The following ZNF84 variants were observed in gnomAD, a reference collection of about 807,000 sequenced individuals.
ZNF84 encodes the protein zinc finger protein HPF2.
A neutral mutation model predicts 14.8 loss-of-function variants in ZNF84; 12 were observed. The observed-to-expected ratio is 0.81, with a 90% CI of 0.52 to 1.31. The LOEUF is 1.31. Among genes scored for constraint, ZNF84 ranks in the 50% most tolerant of loss-of-function variants. The pLI is 0.00. For missense variants in ZNF84, 859 were observed against 878.6 expected, an observed-to-expected ratio of 0.98 and a Z score of 0.28; for synonymous variants, 347 against 291.1, an observed-to-expected ratio of 1.19 and a Z score of -1.96.
At position 133,059,112 on chromosome 12, in the gene ZNF84, G is replaced by A. The variant is rs1442366096; in HGVS notation, c.*180G>A. The A allele has an allele frequency of 6.7e-6, 4 of 595,754 alleles. No homozygotes were observed. Among genetic ancestry groups the A allele is most frequent in the Non-Finnish European group, 1.1e-5 (4 of 358,152 alleles). 36.9% of individuals were successfully genotyped at this position (595,754 alleles called of 1,614,324 possible). ...CATAGAGTAGAGTGAACCTATGACTGCAGTGGATCTCAAAAACTTTTAAAA... is the reference window on the plus strand; with the variant it reads ...CATAGAGTAGAGTGAACCTATGACTACAGTGGATCTCAAAAACTTTTAAAA... On this transcript the variant is annotated 3_prime_UTR_variant, in exon 5 of 5. Coordinates refer to ENST00000539354, the MANE Select transcript of ZNF84 (RefSeq NM_001289971.2).
chr12:133,054,029 C>G (rs1954111698), intron 4 of ZNF84, among the ~76,000 whole-genome samples: 1 of 152,162 alleles, frequency 6.6e-6, no homozygotes, highest in Non-Finnish European at 1.5e-5. Flanking sequence ...CCTCTAGGTA[C>G]AACCTCACAA....
intron 2 of ZNF84, among the ~76,000 whole-genome samples, chr12:133,044,135 A>T (rs1228582448): frequency 6.0e-5 from 9 of 150,160 alleles, no homozygotes; most frequent in Admixed American, 1.3e-4. Flanking sequence ...AAACATCAGC[A>T]ATAACTTTTT....
intron 4 of ZNF84, among the ~76,000 whole-genome samples, chr12:133,055,282 AC>A (rs1482518520): frequency 3.3e-5 from 5 of 152,162 alleles, no homozygotes; most frequent in African/African-American, 1.2e-4. Flanking sequence ...AACTCAAAAA[AC>A]ATCCTATGAA....
rs1255159877 is a variant in ZNF84, at chr12:133,062,728, T to C, written c.*3796T>C. On this transcript the variant is annotated 3_prime_UTR_variant, in exon 5 of 5. Coordinates refer to ENST00000539354, the MANE Select transcript of ZNF84 (RefSeq NM_001289971.2). ...CGTGTGGCTTATTGTGGACTTAAAG[T>C]GTAACATTCTCCTTATGGTATGTAA... 10 of 222,770 alleles carry C rather than the reference T, an allele frequency of 4.5e-5. No homozygotes were observed. The East Asian group carries it at 9.6e-4, about 21-fold the overall frequency. 13.8% of individuals were successfully genotyped at this position (222,770 alleles called of 1,614,324 possible).
chr12:133,050,497 C>T lies in ZNF84; in HGVS notation c.238+1649C>T, dbSNP rs1954052770. ...ATTGGCGATGCAGTGGCAGCATCTG[C>T]TATAGACTTGTAATCTCTGCTTTCA... On this transcript the variant is annotated intron_variant, in intron 4 of 4. Coordinates refer to ENST00000539354, the MANE Select transcript of ZNF84 (RefSeq NM_001289971.2). 1.3e-5 allele frequency: 5 copies of T among 398,486 alleles called. No homozygotes were observed. The Admixed American group carries it at 2.2e-4, about 18-fold the overall frequency. The allele number at this position is 398,486 out of a possible 1,614,324, so 24.7% of individuals were successfully genotyped here.
intron 4 of ZNF84, among the ~76,000 whole-genome samples, chr12:133,053,769 TG>T (rs1954108408): frequency 6.6e-6 from 1 of 152,096 alleles, no homozygotes; most frequent in Admixed American, 6.6e-5. Flanking sequence ...ATGTTTATAA[TG>T]GGGTCTTGAT....
intron 4 of ZNF84, among the ~76,000 whole-genome samples, chr12:133,050,353 C>T (rs1954050517): frequency 6.6e-6 from 1 of 152,194 alleles, no homozygotes; most frequent in Admixed American, 6.5e-5. Flanking sequence ...GTTTGCTCTG[C>T]CATAGTAAGT....
At chr12:133,048,457 G>T (rs1215858716) in intron 3 of ZNF84, 4 of 295,350 alleles carry the variant, frequency 1.4e-5, no homozygotes, top group African/African-American at 2.1e-5. Context: ...TTTTCCTGAT[G>T]AGAAGATCGA....
intron 2 of ZNF84, among the ~76,000 whole-genome samples, chr12:133,043,864 C>A (rs1593697640): frequency 1.3e-5 from 2 of 151,920 alleles, no homozygotes; most frequent in East Asian, 3.9e-4. Context: ...AGCAGTTCTC[C>A]TGCCTCAGCC....
At chr12:133,053,646 G>C (rs891439536) in intron 4 of ZNF84, among the ~76,000 whole-genome samples, 1 of 152,188 alleles carries the variant, frequency 6.6e-6, no homozygotes, top group Admixed American at 6.5e-5. Context: ...AGGAGGCTGA[G>C]TTGGGAGGAT....
intron 2 of ZNF84, among the ~76,000 whole-genome samples, chr12:133,042,290 C>T (rs947250716): frequency 3.9e-5 from 6 of 152,018 alleles, no homozygotes; most frequent in Non-Finnish European, 7.4e-5. Context: ...CTCAACATAA[C>T]GAAAAATACA....
intron 1 of ZNF84, among the ~76,000 whole-genome samples, chr12:133,038,339 T>C (rs1953825119): frequency 6.6e-6 from 1 of 152,220 alleles, no homozygotes; most frequent in Admixed American, 6.5e-5. Flanking sequence ...GTGTCAAATG[T>C]TATAATGATT....
At chr12:133,052,087 A>G (rs1307176346) in intron 4 of ZNF84, among the ~76,000 whole-genome samples, 4 of 152,202 alleles carry the variant, frequency 2.6e-5, no homozygotes, top group Non-Finnish European at 5.9e-5. Context: ...ATTACAGAAA[A>G]ATTAGATGAG....
At chr12:133,037,636 T>G (rs1008388538) in intron 1 of ZNF84, 91 bp downstream of exon 1, 1 of 152,134 alleles carries the variant, frequency 6.6e-6, no homozygotes, top group Non-Finnish European at 1.5e-5. Context: ...GAGCTTCGGC[T>G]TCAAGGCCCT....
chr12:133,062,863 A>T lies in ZNF84; in HGVS notation c.*3931A>T. On this transcript the variant is annotated 3_prime_UTR_variant, in exon 5 of 5. Coordinates refer to ENST00000539354, the MANE Select transcript of ZNF84 (RefSeq NM_001289971.2). ...CAACTTGTAGTTCCTTGAGATTTCT[A>T]TTATCACTTATGTTTTTGCAAATCT... The T allele has an allele frequency of 1.9e-6, 1 of 519,098 alleles. No individual in the cohort carries two copies. Among genetic ancestry groups the T allele is most frequent in the Non-Finnish European group, 3.4e-6 (1 of 291,710 alleles). The allele number at this position is 519,098 out of a possible 1,614,324, so 32.2% of individuals were successfully genotyped here.
At chr12:133,055,012 T>A (rs1262734288) in intron 4 of ZNF84, among the ~76,000 whole-genome samples, 2 of 152,162 alleles carry the variant, frequency 1.3e-5, no homozygotes, top group African/African-American at 4.8e-5. Context: ...CTTCATGAAT[T>A]CCAAAATCAA....
At chr12:133,038,672 A>G (rs895891102) in intron 1 of ZNF84, among the ~76,000 whole-genome samples, 48 of 152,338 alleles carry the variant, frequency 3.2e-4, no homozygotes, top group Middle Eastern at 3.4e-3. Flanking sequence ...TTTGAGGTCA[A>G]ATTATCTTCA....
At chr12:133,046,890 T>TA (rs57233883) in intron 2 of ZNF84, among the ~76,000 whole-genome samples, 3 of 144,028 alleles carry the variant, frequency 2.1e-5, no homozygotes, top group Admixed American at 7.1e-5. Context: ...TTATATATTA[T>TA]TTTTAATATA....
chr12:133,052,512 T>C (rs1443226127), intron 4 of ZNF84, among the ~76,000 whole-genome samples: 1 of 152,112 alleles, frequency 6.6e-6, no homozygotes, highest in Non-Finnish European at 1.5e-5. Context: ...ACAGGTTCTT[T>C]TTTGTACAGG....
Sources: gnomAD v4.1 joint callset for allele counts (sites outside exome capture counted in the v4.1 genomes callset) on GRCh38, gnomAD v4.1.1 for gene constraint, MANE v1.5 for transcripts, NCBI Gene and HGNC (gene_info 2026-07-23, HGNC 2026-07-21) for gene names.